Variants in OR3A2 observed in about 807,000 individuals in gnomAD.
OR3A2 encodes olfactory receptor family 3 subfamily A member 2, also known as olfactory receptor 3A2.
For synonymous variants in OR3A2, 126 were observed against 159.3 expected (o/e 0.79, Z 1.57); for missense variants, 318 against 392.8 (o/e 0.81, Z 1.61).
At chr17:3,326,523 T>C (rs912098618) in intron 3 of OR3A2, among the ~76,000 whole-genome samples, 1 of 151,640 alleles carries the variant, frequency 6.6e-6, no homozygotes, top group Non-Finnish European at 1.5e-5. Flanking sequence ...ATTAATACTT[T>C]TATAATTTCT....
intron 2 of OR3A2, among the ~76,000 whole-genome samples, chr17:3,369,541 TTATG>T (rs2049593636): frequency 6.6e-6 from 1 of 152,226 alleles, no homozygotes; most frequent in South Asian, 2.1e-4. Context: ...ATTTATTGAC[TTATG>T]TATGTTAAAC....
Position 3,310,547 on chromosome 17 carries a change from C to T in OR3A2, c.-85+25486G>A, listed in dbSNP as rs61734052. 1.3e-3 allele frequency: 694 copies of T among 536,158 alleles called. 1 individual carries two copies. The highest frequency in any genetic ancestry group is 0.011 in the African/African-American group (594 of 52,102). 33.2% of individuals were successfully genotyped at this position (536,158 alleles called of 1,614,324 possible). On this transcript the variant is annotated intron_variant, in intron 3 of 4. Transcript: ENST00000573491. The stretch of plus-strand genomic sequence containing the variant: ...TGCCAGATGTGGGGTGTGTCAGTGT[C>T]ACTGTCCCTGCCATGCTGAGCCATT...
intron 2 of OR3A2, chr17:3,377,645 G>A (rs1441600654): frequency 6.6e-6 from 1 of 152,388 alleles, no homozygotes; most frequent in Non-Finnish European, 1.5e-5. Flanking sequence ...CCATTGACCA[G>A]GGAGATGACA....
At chr17:3,360,592 G>A (rs922041646) in intron 2 of OR3A2, among the ~76,000 whole-genome samples, 2 of 151,694 alleles carry the variant, frequency 1.3e-5, no homozygotes, top group Admixed American at 6.6e-5. Flanking sequence ...ATTAATTTTC[G>A]TATAAGGTGT....
At chr17:3,298,805 A>G (rs9901090) in intron 3 of OR3A2, among the ~76,000 whole-genome samples, 2,136 of 152,222 alleles carry the variant, frequency 0.014, 35 homozygotes, top group African/African-American at 0.048. Flanking sequence ...TGCTCCGGAG[A>G]GCAAAGAAGG....
exon 2 of OR3A2, chr17:3,278,438 C>T (rs758599617): frequency 1.9e-6 from 3 of 1,614,150 alleles, no homozygotes; most frequent in Non-Finnish European, 2.5e-6. Context: ...CAGTGTGGGT[C>T]AGTGCGTTGG....
upstream of OR3A2, chr17:3,284,521 TCTC>T (rs1372926428): frequency 6.7e-6 from 1 of 149,888 alleles, no homozygotes; most frequent in African/African-American, 2.5e-5. Context: ...ACTACAGCAT[TCTC>T]CTCTGGGGCA....
At chr17:3,335,118 T>G (rs2049267644) in intron 3 of OR3A2, among the ~76,000 whole-genome samples, 1 of 152,210 alleles carries the variant, frequency 6.6e-6, no homozygotes, top group Non-Finnish European at 1.5e-5. Flanking sequence ...TTCATTTGTC[T>G]GTTTGTAAAT....
intron 2 of OR3A2, among the ~76,000 whole-genome samples, chr17:3,375,135 CTTCCTTTTTTTTT>C (rs1208732213): frequency 1.4e-4 from 5 of 34,596 alleles, no homozygotes; most frequent in Non-Finnish European, 3.6e-4. Context: ...TCAGAGCCTT[CTTCCTTTTTTTTT>C]TTTTTTTTTT....
chr17:3,345,506 AT>A (rs1288017826), intron 2 of OR3A2, among the ~76,000 whole-genome samples: 1 of 152,152 alleles, frequency 6.6e-6, no homozygotes, highest in Non-Finnish European at 1.5e-5. Context: ...CAACAAAATT[AT>A]AATAAGCAGC....
intron 2 of OR3A2, among the ~76,000 whole-genome samples, chr17:3,375,298 T>TC (rs1206507386): frequency 9.4e-5 from 11 of 117,152 alleles, no homozygotes; most frequent in African/African-American, 3.3e-4. Context: ...ACAGATTTCT[T>TC]CCTTTTTTTT....
chr17:3,299,605 C>T (rs1261841560), intron 3 of OR3A2, among the ~76,000 whole-genome samples: 5 of 152,220 alleles, frequency 3.3e-5, no homozygotes, highest in African/African-American at 1.2e-4. Flanking sequence ...CAATGTCCTA[C>T]TCCCTGTTCA....
At chr17:3,350,287 A>G (rs146034164) in intron 2 of OR3A2, among the ~76,000 whole-genome samples, 13,098 of 151,902 alleles carry the variant, frequency 0.086, 1,068 homozygotes, top group East Asian at 0.48. Flanking sequence ...GCCTGCTAGC[A>G]AGACTAATAA....
chr17:3,285,679 T>C (rs1010262587), upstream of OR3A2, among the ~76,000 whole-genome samples: 3 of 152,066 alleles, frequency 2.0e-5, no homozygotes, highest in Non-Finnish European at 2.9e-5. Flanking sequence ...TCCCAGCTAC[T>C]CTGGAGGCTG....
intron 2 of OR3A2, among the ~76,000 whole-genome samples, chr17:3,369,825 G>C (rs1384007493): frequency 8.0e-6 from 1 of 124,810 alleles, no homozygotes; most frequent in East Asian, 2.3e-4. Flanking sequence ...TTTTTTTGAG[G>C]CAAGCTCTGG....
chr17:3,309,580 C>A (rs756666374), intron 3 of OR3A2, among the ~76,000 whole-genome samples: 3 of 152,094 alleles, frequency 2.0e-5, no homozygotes, highest in Non-Finnish European at 4.4e-5. Context: ...GGTAAACGGT[C>A]AGTACTTTTG....
chr17:3,340,997 T>C lies in OR3A2; in HGVS notation c.-178-4871A>G, dbSNP rs1465095662. ...AGGATAGTTAGCTCTTCTTGTTGAA[T>C]TGATCCCTTTACCATTATGTAATGG... On this transcript the variant is annotated intron_variant, in intron 2 of 4. Transcript: ENST00000573491. Among the ~76,000 whole-genome samples the C allele has an allele frequency of 1.3e-5, 2 of 152,206 alleles. 1 individual carries two copies. The highest frequency in any genetic ancestry group is 4.1e-4 in the South Asian group (2 of 4,828).
At chr17:3,334,648 T>C (rs1056792293) in intron 3 of OR3A2, among the ~76,000 whole-genome samples, 25 of 152,238 alleles carry the variant, frequency 1.6e-4, no homozygotes, top group Non-Finnish European at 2.9e-4. Context: ...GATTGAGTTT[T>C]TCTACCATTG....
intron 2 of OR3A2, among the ~76,000 whole-genome samples, chr17:3,346,410 C>G (rs1405063660): frequency 6.6e-6 from 1 of 152,140 alleles, no homozygotes; most frequent in Non-Finnish European, 1.5e-5. Context: ...GCTGAGCCAA[C>G]TGGAGGGAAT....
Sources: gnomAD v4.1 joint callset for allele counts (sites outside exome capture counted in the v4.1 genomes callset) on GRCh38, gnomAD v4.1.1 for gene constraint, MANE v1.5 for transcripts, NCBI Gene and HGNC (gene_info 2026-07-23, HGNC 2026-07-21) for gene names.